The following PCDHA2 variants were observed in gnomAD, a reference collection of about 807,000 sequenced individuals.
PCDHA2 encodes the protein protocadherin alpha-2.
A neutral mutation model predicts 66.0 loss-of-function variants in PCDHA2; 58 were observed. That is an observed-to-expected ratio of 0.88 (90% CI 0.71 to 1.09). PCDHA2 has a LOEUF of 1.09. PCDHA2 is among the 50% of genes least tolerant of loss of function. The pLI, the probability that PCDHA2 is intolerant of heterozygous loss-of-function variation, is 0.00. For missense variants in PCDHA2, 1,267 were observed against 1,242.3 expected, an observed-to-expected ratio of 1.02 and a Z score of -0.30; for synonymous variants, 634 against 554.0, an observed-to-expected ratio of 1.14 and a Z score of -2.03.
chr5:140,824,611 T>G (rs1768190871), intron 1 of PCDHA2: 1 of 19,836 alleles, frequency 5.0e-5, no homozygotes, highest in African/African-American at 1.7e-4. Context: ...CTAATTAAAG[T>G]TTTTTTTTTT....
intron 3 of PCDHA2, among the ~76,000 whole-genome samples, chr5:141,005,701 CAAAAAAAAAAAAAAAAAA>C (rs59860837): frequency 2.6e-4 from 2 of 7,786 alleles, no homozygotes; most frequent in Non-Finnish European, 5.4e-4. Flanking sequence ...AACTCCGTCT[CAAAAAAAAAAAAAAAAAA>C]AAAAAAAAAA....
rs1180805331 is a variant in PCDHA2 at position 140,853,371 on chromosome 5, G to C, written c.2388+56019G>C. On this transcript the variant is annotated intron_variant, in intron 1 of 3. Coordinates refer to ENST00000526136, the MANE Select transcript of PCDHA2 (RefSeq NM_018905.3). ...ATGAACTCACAGGGATCCAGAGATGGTAAAATTCAAAACAGCCTGTCAAGT... is the reference window on the plus strand; with the variant it reads ...ATGAACTCACAGGGATCCAGAGATGCTAAAATTCAAAACAGCCTGTCAAGT... 3.0e-6 allele frequency: 3 copies of C among 983,910 alleles called. No homozygotes were observed. In the African/African-American group the frequency reaches 5.3e-5, roughly 17 times the overall value. The allele number at this position is 983,910 out of a possible 1,614,324, so 60.9% of individuals were successfully genotyped here.
intron 1 of PCDHA2, among the ~76,000 whole-genome samples, chr5:140,832,378 A>G (rs1554133521): frequency 6.6e-6 from 1 of 152,196 alleles, no homozygotes; most frequent in Non-Finnish European, 1.5e-5. Context: ...CCATTCTTGA[A>G]ATGGCAGAAA....
chr5:140,809,116 G>C, intron 1 of PCDHA2: 4 of 1,613,978 alleles, frequency 2.5e-6, no homozygotes, highest in Non-Finnish European at 3.4e-6. Context: ...CGGACGCTCC[G>C]CGCCACCGCC....
At chr5:140,976,718 C>A (rs2096728735) in intron 1 of PCDHA2, among the ~76,000 whole-genome samples, 1 of 152,096 alleles carries the variant, frequency 6.6e-6, no homozygotes, top group South Asian at 2.1e-4. Context: ...CATTATAGTT[C>A]ATTTATTTAA....
chr5:141,001,359 T>C (rs186629026), intron 3 of PCDHA2, among the ~76,000 whole-genome samples: 4 of 152,344 alleles, frequency 2.6e-5, no homozygotes, highest in Admixed American at 1.3e-4. Context: ...GGTTTAAGCC[T>C]ACTATTCTGA....
At chr5:140,883,018 G>T (rs1400637236) in intron 1 of PCDHA2, 2 of 1,613,968 alleles carry the variant, frequency 1.2e-6, no homozygotes, top group East Asian at 2.2e-5. Flanking sequence ...ATAAAGTGAC[G>T]GTGTTAGAGA....
chr5:140,842,824 G>A (rs1778307611), intron 1 of PCDHA2: 4 of 1,593,676 alleles, frequency 2.5e-6, no homozygotes, highest in African/African-American at 1.3e-5. Flanking sequence ...GGGTGGGCGA[G>A]CGCTCGCTGT....
At chr5:140,850,542 T>G (rs1554144492) in intron 1 of PCDHA2, 1 of 1,597,608 alleles carries the variant, frequency 6.3e-7, no homozygotes, top group Non-Finnish European at 8.6e-7. Flanking sequence ...GTCGCGGGCG[T>G]CAGTGGGTGC....
At chr5:140,883,332 T>C (rs2059555585) in intron 1 of PCDHA2, 3 of 1,614,174 alleles carry the variant, frequency 1.9e-6, no homozygotes, top group Non-Finnish European at 2.5e-6. Flanking sequence ...ATCACTTCTT[T>C]GTCACTCCCC....
In PCDHA2 at chr5:140,920,607, A is replaced by G. The variant is rs185483487; in HGVS notation, c.2389-58342A>G. Among the ~76,000 whole-genome samples the G allele has an allele frequency of 8.0e-3, 1,215 of 152,266 alleles. 5 individuals are homozygous for G. Among genetic ancestry groups the G allele is most frequent in the African/African-American group, 0.019 (784 of 41,544 alleles). On this transcript the variant is annotated intron_variant, in intron 1 of 3. Coordinates refer to ENST00000526136, the MANE Select transcript of PCDHA2 (RefSeq NM_018905.3). ...ACGCCTGTAATCCCAGCACTTTGGG[A>G]GGCCGAGGCGGATGGATCACAAGGT...
intron 1 of PCDHA2, chr5:140,843,324 C>T: frequency 6.3e-7 from 1 of 1,596,010 alleles, no homozygotes; most frequent in Non-Finnish European, 8.6e-7. Flanking sequence ...GTTCTGGTGT[C>T]GCTGGTGGAG....
rs75377875 is a variant in PCDHA2 at position 140,902,598 on chromosome 5, C to T, written c.2389-76351C>T. The stretch of plus-strand genomic sequence containing the variant: ...ATTTCAATAGTTTTGGGAAACAGGT[C>T]GTTTTCAGTTACATGGGTAAGTTAT... On this transcript the variant is annotated intron_variant, in intron 1 of 3. Coordinates refer to ENST00000526136, the MANE Select transcript of PCDHA2 (RefSeq NM_018905.3). Among the ~76,000 whole-genome samples, 274 of 152,044 alleles carry T rather than the reference C, an allele frequency of 1.8e-3. 4 individuals are homozygous for T. In the East Asian group the frequency reaches 0.048, roughly 27 times the overall value.
At chr5:141,007,759 T>C (rs1392582275) in intron 3 of PCDHA2, among the ~76,000 whole-genome samples, 6 of 152,312 alleles carry the variant, frequency 3.9e-5, no homozygotes, top group Middle Eastern at 3.4e-3. Flanking sequence ...TGGACTCTTA[T>C]TGGCCTGGAA....
At chr5:140,944,809 A>G (rs2093698274) in intron 1 of PCDHA2, among the ~76,000 whole-genome samples, 1 of 152,220 alleles carries the variant, frequency 6.6e-6, no homozygotes, top group African/African-American at 2.4e-5. Flanking sequence ...GAGGGTCCAC[A>G]GTGATCTTTG....
intron 1 of PCDHA2, chr5:140,871,636 T>G (rs1311531075): frequency 1.5e-6 from 2 of 1,364,670 alleles, no homozygotes; most frequent in African/African-American, 2.9e-5. Flanking sequence ...TGTCTGTTCA[T>G]AAAATACCAA....
intron 1 of PCDHA2, chr5:140,871,313 C>A (rs371295919): frequency 1.4e-5 from 23 of 1,613,924 alleles, no homozygotes; most frequent in African/African-American, 9.3e-5. Context: ...GGGAAGCCCA[C>A]GCTGGTGTGC....
In PCDHA2 at chr5:140,820,166, G is replaced by C. The variant is rs183901333; in HGVS notation, c.2388+22814G>C. Among the ~76,000 whole-genome samples, 190 of 151,892 alleles carry C rather than the reference G, an allele frequency of 1.3e-3. 2 individuals are homozygous for C. Among genetic ancestry groups the C allele is most frequent in the Middle Eastern group, 6.9e-3 (2 of 290 alleles). On this transcript the variant is annotated intron_variant, in intron 1 of 3. Coordinates refer to ENST00000526136, the MANE Select transcript of PCDHA2 (RefSeq NM_018905.3). Reference sequence around the variant, plus strand: ...AAAATTATCAGTATGAAAACTATTAGGCAAATAGTCTGGGAAATTGATTTG... The same window carrying C: ...AAAATTATCAGTATGAAAACTATTACGCAAATAGTCTGGGAAATTGATTTG...
chr5:140,885,469 C>T (rs1338782835), intron 1 of PCDHA2, among the ~76,000 whole-genome samples: 1 of 152,156 alleles, frequency 6.6e-6, no homozygotes, highest in Admixed American at 6.5e-5. Flanking sequence ...GATGGGCAAT[C>T]ACTTTGTGTC....
Sources: gnomAD v4.1 joint callset for allele counts (sites outside exome capture counted in the v4.1 genomes callset) on GRCh38, gnomAD v4.1.1 for gene constraint, MANE v1.5 for transcripts, NCBI Gene and HGNC (gene_info 2026-07-23, HGNC 2026-07-21) for gene names.